Variants in FER observed in about 807,000 individuals in gnomAD.
FER encodes the protein tyrosine-protein kinase Fer.
Under a neutral mutation model 111.0 loss-of-function variants are expected in FER, and 63 were observed. The observed-to-expected ratio is 0.57, with a 90% CI of 0.46 to 0.70. FER has a LOEUF of 0.70. Ranked by LOEUF, FER falls within the 30% of genes least tolerant of loss-of-function variation. The pLI is 0.00. For missense variants in FER, 914 were observed against 954.0 expected, an observed-to-expected ratio of 0.96 and a Z score of 0.55; for synonymous variants, 327 against 313.9, an observed-to-expected ratio of 1.04 and a Z score of -0.44.
intron 13 of FER, among the ~76,000 whole-genome samples, chr5:108,965,195 A>G (rs765991224): frequency 3.3e-5 from 5 of 152,206 alleles, no homozygotes; most frequent in Admixed American, 6.5e-5. Flanking sequence ...TCAGGAATAT[A>G]TAAATCTCCA....
At chr5:108,976,503 A>T (rs1761359378) in intron 13 of FER, among the ~76,000 whole-genome samples, 1 of 152,030 alleles carries the variant, frequency 6.6e-6, no homozygotes, top group Non-Finnish European at 1.5e-5. Context: ...ATGCATATAC[A>T]GTTGACCCCC....
chr5:109,051,668 A>G (rs1211622870), intron 16 of FER: 2 of 1,575,914 alleles, frequency 1.3e-6, no homozygotes, highest in East Asian at 4.5e-5. Flanking sequence ...AAATAAGCAT[A>G]TTTTTGAGAC....
At chr5:109,102,532 C>A (rs1748365886) in intron 17 of FER, among the ~76,000 whole-genome samples, 1 of 152,172 alleles carries the variant, frequency 6.6e-6, no homozygotes, top group South Asian at 2.1e-4. Context: ...CCAAATTTGT[C>A]ATCCTTGGCA....
chr5:109,143,918 T>G (rs1753788446), intron 17 of FER, among the ~76,000 whole-genome samples: 2 of 151,568 alleles, frequency 1.3e-5, no homozygotes, highest in South Asian at 4.1e-4. Flanking sequence ...TCTAGTGTTT[T>G]TCAGTTTCAA....
chr5:109,044,800 GTTAT>G lies in FER; in HGVS notation c.1829+9_1829+12del, dbSNP rs746147962. On this transcript the variant is annotated splice_donor_region_variant and intron_variant, in intron 15 of 19. Coordinates refer to ENST00000281092, the MANE Select transcript of FER (RefSeq NM_005246.4). Reference sequence around the variant, plus strand: ...AAAATTTTTACAAGAAGCCAAGTGAGTTATTTAAAGTAATCAAAATATGTATTTA... The same window carrying G: ...AAAATTTTTACAAGAAGCCAAGTGAGTTAAAGTAATCAAAATATGTATTTA... The G allele has an allele frequency of 4.3e-5, 56 of 1,287,492 alleles. No homozygotes were observed. Among genetic ancestry groups the G allele is most frequent in the African/African-American group, 6.0e-5 (4 of 67,006 alleles). 79.8% of individuals were successfully genotyped at this position (1,287,492 alleles called of 1,614,324 possible).
At chr5:108,932,559 A>G (rs541089005) in intron 10 of FER, among the ~76,000 whole-genome samples, 3 of 152,180 alleles carry the variant, frequency 2.0e-5, no homozygotes, top group Non-Finnish European at 4.4e-5. Flanking sequence ...GCTGGGTCAA[A>G]TGGTATTTCT....
At chr5:109,066,539 G>T (rs996308110) in intron 16 of FER, among the ~76,000 whole-genome samples, 4 of 152,010 alleles carry the variant, frequency 2.6e-5, no homozygotes, top group Non-Finnish European at 5.9e-5. Flanking sequence ...TAATTTGATG[G>T]AGCTTTATTA....
chr5:108,785,547 C>T (rs1754611987), intron 2 of FER: 18 of 526,158 alleles, frequency 3.4e-5, no homozygotes, highest in South Asian at 2.7e-4. Context: ...ACATGGGCAC[C>T]TGCTAGAAGT....
At chr5:109,004,459 G>GA (rs1239837739) in intron 13 of FER, among the ~76,000 whole-genome samples, 2 of 151,908 alleles carry the variant, frequency 1.3e-5, no homozygotes, top group South Asian at 2.1e-4. Context: ...GCAAAAATGG[G>GA]AAAAAATCCA....
At chr5:108,836,455 A>G (rs1164876255) in intron 5 of FER, among the ~76,000 whole-genome samples, 3 of 152,040 alleles carry the variant, frequency 2.0e-5, no homozygotes, top group African/African-American at 4.8e-5. Context: ...ATTGGGCAAT[A>G]TTTTCCTTAT....
rs76155403 is a variant in FER, at chr5:109,032,480, C to T, written c.1657-4942C>T. ...CTTGTGCTTCTCAAATTAACTACTA[C>T]TTGCATTTGAATCCTTGTCTCAGGG... On this transcript the variant is annotated intron_variant, in intron 13 of 19. Coordinates refer to ENST00000281092, the MANE Select transcript of FER (RefSeq NM_005246.4). Among the ~76,000 whole-genome samples the T allele has an allele frequency of 5.9e-3, 904 of 152,160 alleles. 6 individuals are homozygous for T. Among genetic ancestry groups the T allele is most frequent in the African/African-American group, 0.021 (866 of 41,510 alleles).
At chr5:108,901,167 T>C (rs1250438900) in intron 10 of FER, among the ~76,000 whole-genome samples, 1 of 150,676 alleles carries the variant, frequency 6.6e-6, no homozygotes. Context: ...GAGATTGGGC[T>C]CTTTTCAGAT....
At position 109,055,462 on chromosome 5, in the gene FER, A is replaced by G. The variant is rs550038793; in HGVS notation, c.1924+8264A>G. On this transcript the variant is annotated intron_variant, in intron 16 of 19. Coordinates refer to ENST00000281092, the MANE Select transcript of FER (RefSeq NM_005246.4). ...ATGTATAAAGAACTCATACAACTCAATAGTAGAAAAGCAAATAACTCAGTT... is the reference window on the plus strand; with the variant it reads ...ATGTATAAAGAACTCATACAACTCAGTAGTAGAAAAGCAAATAACTCAGTT... Among the ~76,000 whole-genome samples, 192 of 152,262 alleles carry G rather than the reference A, an allele frequency of 1.3e-3. 1 individual carries two copies. Among genetic ancestry groups the G allele is most frequent in the Middle Eastern group, 3.4e-3 (1 of 294 alleles).
chr5:108,848,174 C>G (rs1215923341), intron 5 of FER, among the ~76,000 whole-genome samples: 1 of 152,210 alleles, frequency 6.6e-6, no homozygotes, highest in Non-Finnish European at 1.5e-5. Context: ...GCCACCACAT[C>G]TGACCTATCT....
intron 1 of FER, among the ~76,000 whole-genome samples, chr5:108,757,964 G>A (rs1455487496): frequency 6.6e-6 from 1 of 152,126 alleles, no homozygotes; most frequent in Non-Finnish European, 1.5e-5. Flanking sequence ...GGCATTCTAA[G>A]ATCTAAATGT....
chr5:109,090,947 G>A (rs1778099592), intron 16 of FER, among the ~76,000 whole-genome samples: 1 of 152,146 alleles, frequency 6.6e-6, no homozygotes, highest in Non-Finnish European at 1.5e-5. Context: ...TGCTTCTCTT[G>A]AATGCTTCTA....
At chr5:108,855,672 T>A (rs1243230689) in intron 5 of FER, among the ~76,000 whole-genome samples, 1 of 150,598 alleles carries the variant, frequency 6.6e-6, no homozygotes, top group Non-Finnish European at 1.5e-5. Flanking sequence ...AAGACAGATG[T>A]GGGAAGATAG....
intron 2 of FER, among the ~76,000 whole-genome samples, chr5:108,788,277 C>T (rs542439082): frequency 4.6e-4 from 70 of 152,348 alleles, no homozygotes; most frequent in African/African-American, 1.6e-3. Flanking sequence ...GCCTGTCCTG[C>T]AGCAGCTGGT....
chr5:109,187,353 A>G lies in FER; in HGVS notation c.2327-80A>G, dbSNP rs1236262577. ...CTACAACATAAGGTACCAAAAGTTA[A>G]TAACTGCATAATGCCCTGTGTGAAC... On this transcript the variant is annotated intron_variant, in intron 19 of 19. Transcript: ENST00000281092. 4 of 1,437,444 alleles carry G rather than the reference A, an allele frequency of 2.8e-6. No homozygotes were observed. The Admixed American group carries it at 6.5e-5, about 23-fold the overall frequency. The allele number at this position is 1,437,444 out of a possible 1,614,324, so 89.0% of individuals were successfully genotyped here. A position where few individuals can be genotyped will look rare whatever the true frequency, so the allele number is the denominator to read the frequency against.
Sources: allele counts gnomAD v4.1 joint callset (sites outside exome capture counted in the v4.1 genomes callset), GRCh38; gene constraint gnomAD v4.1.1; transcripts MANE v1.5; gene names NCBI Gene and HGNC (gene_info 2026-07-23, HGNC 2026-07-21).